The following ZNF180 variants were observed in gnomAD, a reference collection of about 807,000 sequenced individuals.
The protein encoded by ZNF180 is zinc finger protein 180 (HHZ168).
ZNF180 carries 11 observed loss-of-function variants against 11.8 expected under a neutral mutation model. The ratio of observed to expected loss-of-function variants is 0.93; its 90% CI spans 0.59 to 1.55. The LOEUF is 1.55. Among genes scored for constraint, ZNF180 ranks in the 40% most tolerant of loss-of-function variants. The pLI is 0.00. For missense variants in ZNF180, 773 were observed against 781.7 expected, an observed-to-expected ratio of 0.99 and a Z score of 0.13; for synonymous variants, 287 against 257.7, an observed-to-expected ratio of 1.11 and a Z score of -1.09.
In ZNF180 at chr19:44,500,492, C is replaced by G; in HGVS notation, c.-261G>C. On this transcript the variant is annotated 5_prime_UTR_variant, in exon 1 of 5. Coordinates refer to ENST00000592529, the MANE Select transcript of ZNF180 (RefSeq NM_001278509.3). The stretch of plus-strand genomic sequence containing the variant: ...GGCCGAGCTGCTCGGCGACAGCAAG[C>G]GTCCGCGCGCGGGACAATGGCTGCT... 2 of 545,802 alleles carry G rather than the reference C, an allele frequency of 3.7e-6. No homozygotes were observed. The highest frequency in any genetic ancestry group is 2.5e-5 in the South Asian group (1 of 40,712). 33.8% of individuals were successfully genotyped at this position (545,802 alleles called of 1,614,324 possible). A position where few individuals can be genotyped will look rare whatever the true frequency, so the allele number is the denominator to read the frequency against.
Position 44,476,393 on chromosome 19 carries a change from A to C in ZNF180, c.*9T>G, listed in dbSNP as rs767504417. 1 of 1,542,302 alleles carries C rather than the reference A, an allele frequency of 6.5e-7. No homozygotes were observed. Among genetic ancestry groups the C allele is most frequent in the Non-Finnish European group, 8.7e-7 (1 of 1,147,574 alleles). On this transcript the variant is annotated 3_prime_UTR_variant, in exon 5 of 5. Transcript: ENST00000592529. ...AATAAAAAGGAAGAAATCCCAGCTG[A>C]TTTACAAACTAGTTACATTCATAGA...
chr19:44,477,431 C>A lies in ZNF180; in HGVS notation c.969G>T (p.Glu323Asp). The change falls in exon 5 of 5, where the codon GAG becomes GAT. Residue 323 changes from glutamate to aspartate, a missense_variant. Transcript: ENST00000592529. ...LTQNMRNNSE[E>D]KPFECNQCGK... ...CACACTGATTACATTCAAAAGGTTT[C>A]TCTTCAGAATTATTTCTCATGTTTT... is the stretch of plus-strand genomic sequence containing the variant. The A allele has an allele frequency of 5.0e-6, 8 of 1,614,154 alleles. No homozygotes were observed. The highest frequency in any genetic ancestry group is 6.8e-6 in the Non-Finnish European group (8 of 1,180,026).
At chr19:44,489,879 A>AAGAG (rs923211587) in intron 2 of ZNF180, among the ~76,000 whole-genome samples, 6 of 117,052 alleles carry the variant, frequency 5.1e-5, no homozygotes, top group Non-Finnish European at 9.3e-5. Flanking sequence ...AAGAGAGAGA[A>AAGAG]AGAGAGAGAG....
chr19:44,490,018 AG>A (rs1970396617), intron 2 of ZNF180, among the ~76,000 whole-genome samples: 48 of 39,274 alleles, frequency 1.2e-3, no homozygotes, highest in Non-Finnish European at 2.8e-3. Flanking sequence ...AAGAAAAGAA[AG>A]AAAAAGACAG....
At position 44,495,112 on chromosome 19, in the gene ZNF180, C is replaced by A. The variant is rs1970544447; in HGVS notation, c.51+2172G>T. Among the ~76,000 whole-genome samples the A allele has an allele frequency of 6.6e-6, 1 of 152,174 alleles. No individual in the cohort carries two copies. On this transcript the variant is annotated intron_variant, in intron 2 of 4. Transcript: ENST00000592529. The surrounding 1 kb of genome is among the most constrained non-coding windows in gnomAD (Gnocchi z 4.5). ...GAGTCCACTCAAATGTTCTTTCTTG[C>A]CGTATCTGTACCTCCCTGATTTGAT...
In ZNF180 at chr19:44,476,711, A is replaced by G. The variant is rs1313478104; in HGVS notation, c.1689T>C (p.Tyr563=). 8 of 1,614,092 alleles carry G rather than the reference A, an allele frequency of 5.0e-6. No individual in the cohort carries two copies. Among genetic ancestry groups the G allele is most frequent in the African/African-American group, 1.3e-5 (1 of 74,938 alleles). The stretch of plus-strand genomic sequence containing the variant: ...GAGTTCTCTGATGTACAACAAGAAC[A>G]TAACTCTGGCTGAAGGATTTCCCAC... ...NQCGKSFSQS[Y]VLVVHQRTHT... Residue 563 remains tyrosine (Y), a synonymous_variant, in exon 5 of 5, where the codon TAT becomes TAC. Coordinates refer to ENST00000592529, the MANE Select transcript of ZNF180 (RefSeq NM_001278509.3).
chr19:44,490,417 T>C (rs532330888), intron 2 of ZNF180, among the ~76,000 whole-genome samples: 2 of 152,214 alleles, frequency 1.3e-5, no homozygotes, highest in African/African-American at 4.8e-5. Flanking sequence ...ACAACCAAAC[T>C]ACAGATGGTA....
At chr19:44,485,312 T>A (rs1412252336) in intron 2 of ZNF180, among the ~76,000 whole-genome samples, 1 of 152,180 alleles carries the variant, frequency 6.6e-6, no homozygotes, top group African/African-American at 2.4e-5. Flanking sequence ...GCTGTGAATA[T>A]ACAAACAGAT....
Position 44,477,624 on chromosome 19 carries a change from G to A in ZNF180, c.776C>T (p.Thr259Ile). ...AATTTTTTCATGTATATGTAGGGGT[G>A]TACCATGGCAAAAAGATTGAATACG... ...SDRIQSFCHG[T>I]PLHIHEKIHG... Residue 259 changes from threonine to isoleucine, a missense_variant, in exon 5 of 5, where the codon ACA (threonine) becomes ATA (isoleucine). Coordinates refer to ENST00000592529, the MANE Select transcript of ZNF180 (RefSeq NM_001278509.3). 3 of 1,614,016 alleles carry A rather than the reference G, an allele frequency of 1.9e-6. No individual in the cohort carries two copies. Among genetic ancestry groups the A allele is most frequent in the Admixed American group, 1.7e-5 (1 of 60,010 alleles).
chr19:44,488,354 C>A (rs1355639042), intron 2 of ZNF180, among the ~76,000 whole-genome samples: 1 of 152,158 alleles, frequency 6.6e-6, no homozygotes, highest in African/African-American at 2.4e-5. Context: ...CGGCTCACTG[C>A]AACCTCCCTG....
chr19:44,491,689 G>A (rs530417708), intron 2 of ZNF180, among the ~76,000 whole-genome samples: 166 of 152,168 alleles, frequency 1.1e-3, no homozygotes, highest in African/African-American at 3.8e-3. Flanking sequence ...TACTGTCTCA[G>A]CCTCCCAAGA....
intron 2 of ZNF180, among the ~76,000 whole-genome samples, chr19:44,489,754 GAA>G (rs999660064): frequency 9.8e-6 from 1 of 102,340 alleles, no homozygotes; most frequent in African/African-American, 3.7e-5. Flanking sequence ...AAGAAAAAAA[GAA>G]AAAAAAAAGA....
In ZNF180 at chr19:44,476,408, ACATT is replaced by A; in HGVS notation, c.1988_1991del (p.Glu663ValfsTer5). 6.4e-7 allele frequency: 1 copy of A among 1,560,808 alleles called. No individual in the cohort carries two copies. Among genetic ancestry groups the A allele is most frequent in the Non-Finnish European group, 8.7e-7 (1 of 1,155,642 alleles). On this transcript the variant is annotated frameshift_variant, in exon 5 of 5. Coordinates refer to ENST00000592529, the MANE Select transcript of ZNF180 (RefSeq NM_001278509.3). LOFTEE classifies it high-confidence loss of function. The stretch of plus-strand genomic sequence containing the variant: ...ATCCCAGCTGATTTACAAACTAGTT[ACATT>A]CATAGAGTTTCTCTTCAGTATGAGT...
chr19:44,490,280 A>G (rs186226672), intron 2 of ZNF180, among the ~76,000 whole-genome samples: 1 of 152,348 alleles, frequency 6.6e-6, no homozygotes, highest in East Asian at 1.9e-4. Flanking sequence ...TCAGCCTCCC[A>G]AAGTGGGATT....
chr19:44,494,436 G>T (rs1394307447), intron 2 of ZNF180, among the ~76,000 whole-genome samples: 1 of 152,170 alleles, frequency 6.6e-6, no homozygotes, highest in African/African-American at 2.4e-5. Flanking sequence ...AGGCCAAGGT[G>T]GGAGGATGGC....
At chr19:44,485,263 A>G (rs1970199387) in intron 2 of ZNF180, 1 of 152,314 alleles carries the variant, frequency 6.6e-6, no homozygotes, top group African/African-American at 2.4e-5. Context: ...GGTAGCCTCA[A>G]CTGACAAAGA....
intron 2 of ZNF180, among the ~76,000 whole-genome samples, chr19:44,490,568 T>G (rs1970426944): frequency 6.6e-6 from 1 of 152,056 alleles, no homozygotes; most frequent in South Asian, 2.1e-4. Context: ...GAAAAGTTAC[T>G]CAAGAAAGGA....
Position 44,476,869 on chromosome 19 carries a change from C to T in ZNF180, c.1531G>A (p.Ala511Thr), listed in dbSNP as rs139938191. 50 of 1,614,088 alleles carry T rather than the reference C, an allele frequency of 3.1e-5. No individual in the cohort carries two copies. Among genetic ancestry groups the T allele is most frequent in the Admixed American group, 3.0e-4 (18 of 60,022 alleles). The change falls in exon 5 of 5, where the codon GCA becomes ACA. Residue 511 changes from alanine to threonine, a missense_variant. Transcript: ENST00000592529. ...KSFSWSSQLV[A>T]HQRTHTGEKP... is the part of the protein sequence containing the mutation. ...TCTCCAGTGTGAGTTCTTTGATGTGCAACAAGCTGAGAGCTCCAGCTGAAG... is the reference window on the plus strand; with the variant it reads ...TCTCCAGTGTGAGTTCTTTGATGTGTAACAAGCTGAGAGCTCCAGCTGAAG...
rs1470886738 is a variant in ZNF180, at chr19:44,475,570, T to C, written c.*832A>G. On this transcript the variant is annotated 3_prime_UTR_variant, in exon 5 of 5. Transcript: ENST00000592529. ...ATTCCAAACATAAACCTCATTATCC[T>C]GAGGGATCTTTGCTATTTGGTTGCT... 2.0e-5 allele frequency: 3 copies of C among 152,230 alleles called. No homozygotes were observed. The highest frequency in any genetic ancestry group is 2.9e-5 in the Non-Finnish European group (2 of 68,040). 9.4% of individuals were successfully genotyped at this position (152,230 alleles called of 1,614,324 possible).
Sources: allele counts gnomAD v4.1 joint callset (sites outside exome capture counted in the v4.1 genomes callset), GRCh38; gene constraint gnomAD v4.1.1; non-coding constraint Gnocchi (gnomAD v3.1); transcripts MANE v1.5; gene names NCBI Gene and HGNC (gene_info 2026-07-23, HGNC 2026-07-21).